PAH: variants seen among roughly 807,000 people sequenced by gnomAD.
The protein encoded by PAH is phenylalanine hydroxylase, also known as phenylalanine-4-hydroxylase.
A neutral mutation model predicts 62.0 loss-of-function variants in PAH; 64 were observed. The observed-to-expected ratio is 1.03, with a 90% CI of 0.84 to 1.27. PAH has a LOEUF of 1.27. Ranked by LOEUF, PAH falls within the 50% of genes most tolerant of loss-of-function variation. The probability of loss-of-function intolerance (pLI) is 0.00; values close to 1 mark genes in which losing one functional copy is unlikely to be tolerated. For synonymous variants in PAH, 195 were observed against 196.2 expected, an observed-to-expected ratio of 0.99 and a Z score of 0.05; for missense variants, 579 against 542.8, an observed-to-expected ratio of 1.07 and a Z score of -0.66.
In PAH at chr12:102,851,710, G is replaced by C; in HGVS notation, c.889C>G (p.Arg297Gly). Residue 297 changes from arginine to glycine, a missense_variant, in exon 8 of 13, where the codon CGC becomes GGC. Transcript: ENST00000553106. ...LLGHVPLFSD[R>G]SFAQFSQEIG... ...ACCTGGGAAAACTGGGCAAAGCTGC[G>C]ATCTGAAAACAAGGGCACATGTCCC... 1 of 1,613,954 alleles carries C rather than the reference G, an allele frequency of 6.2e-7. No homozygotes were observed. Among genetic ancestry groups the C allele is most frequent in the Non-Finnish European group, 8.5e-7 (1 of 1,179,920 alleles).
At chr12:102,890,277 TAA>T (rs748468789) in intron 3 of PAH, among the ~76,000 whole-genome samples, 1 of 152,176 alleles carries the variant, frequency 6.6e-6, no homozygotes, top group Non-Finnish European at 1.5e-5. Context: ...AGCCCCACAA[TAA>T]AAAGGGCATT....
chr12:102,870,179 A>G (rs969198566), intron 4 of PAH, among the ~76,000 whole-genome samples: 3 of 152,152 alleles, frequency 2.0e-5, no homozygotes, highest in African/African-American at 7.2e-5. Context: ...GTAACTACAT[A>G]TATGGAAAAG....
chr12:102,846,954 G>A lies in PAH; in HGVS notation c.913-3C>T. On this transcript the variant is annotated splice_polypyrimidine_tract_variant and splice_region_variant and intron_variant, in intron 8 of 12. Transcript: ENST00000553106. ...CCCAGAGAGGCAAGGCCAATTTCCT[G>A]TAATTGGGGGAAAATAGAACCTGTT... 5 of 1,612,766 alleles carry A rather than the reference G, an allele frequency of 3.1e-6. No homozygotes were observed. The highest frequency in any genetic ancestry group is 3.4e-6 in the Non-Finnish European group (4 of 1,178,836).
At chr12:102,859,039 G>GT (rs769995208) in intron 5 of PAH, among the ~76,000 whole-genome samples, 4 of 152,014 alleles carry the variant, frequency 2.6e-5, no homozygotes, top group East Asian at 3.8e-4. Flanking sequence ...CCAGGAGCTG[G>GT]TTTTTTTGAA....
rs1245308538 is a variant in PAH, at chr12:102,851,725, G to A, written c.874C>T (p.Pro292Ser). 6.2e-7 allele frequency: 1 copy of A among 1,613,934 alleles called. No homozygotes were observed. The highest frequency in any genetic ancestry group is 2.2e-5 in the East Asian group (1 of 44,882). ...GCAAAGCTGCGATCTGAAAACAAGG[G>A]CACATGTCCCAACAGCTCATGGCAG... The part of the protein sequence containing the change: ...DICHELLGHV[P>S]LFSDRSFAQF... Residue 292 changes from proline (P) to serine (S), a missense_variant, in exon 8 of 13, where the codon CCC becomes TCC. By Grantham distance (74) the Pro-to-Ser change is moderately conservative. Transcript: ENST00000553106.
chr12:102,877,336 G>A, intron 4 of PAH, 126 bp downstream of exon 4: 1 of 802,102 alleles, frequency 1.2e-6, no homozygotes, highest in South Asian at 1.4e-5. Context: ...CGTGTAAATA[G>A]GAACACAATA....
chr12:102,930,177 C>A (rs17842949), intron 1 of PAH, among the ~76,000 whole-genome samples: 1 of 151,970 alleles, frequency 6.6e-6, no homozygotes, highest in Admixed American at 6.6e-5. Flanking sequence ...CTATCTGAGT[C>A]CAAGTTCAAT....
chr12:102,901,588 C>T (rs577966417), intron 2 of PAH, among the ~76,000 whole-genome samples: 33 of 151,770 alleles, frequency 2.2e-4, no homozygotes, highest in African/African-American at 7.5e-4. Flanking sequence ...TTTTTCTCAG[C>T]TCTTTTTTTT....
chr12:102,907,684 T>C (rs1878031078), intron 2 of PAH, among the ~76,000 whole-genome samples: 2 of 151,738 alleles, frequency 1.3e-5, no homozygotes. Context: ...AGTGGGGTGA[T>C]CTTAGCTAAC....
chr12:102,887,445 T>C (rs1877088286), intron 3 of PAH, among the ~76,000 whole-genome samples: 1 of 152,042 alleles, frequency 6.6e-6, no homozygotes, highest in Admixed American at 6.5e-5. Flanking sequence ...TAAGCCTGGC[T>C]TCAATGAGGT....
At position 102,943,278 on chromosome 12, in the gene PAH, C is replaced by T. The variant is rs547030535; in HGVS notation, c.-96+7311G>A. 4.6e-5 allele frequency among the ~76,000 whole-genome samples: 7 copies of T among 152,224 alleles called. No individual in the cohort carries two copies. The East Asian group carries it at 1.2e-3, about 25-fold the overall frequency. On this transcript the variant is annotated intron_variant, in intron 1 of 3. Coordinates refer to the PAH transcript ENST00000546844. ...GCAAAGGACATGAACAGACACTTCT[C>T]AAGAGAAGACATACACACACCCAAC...
intron 1 of PAH, among the ~76,000 whole-genome samples, chr12:102,915,420 G>T (rs78548265): frequency 0.038 from 5,809 of 152,278 alleles, 190 homozygotes; most frequent in African/African-American, 0.085. Context: ...GTGGAGGCTG[G>T]TCAAGAACTC....
chr12:102,955,067 C>T (rs1414208893), upstream of PAH, among the ~76,000 whole-genome samples: 1 of 152,156 alleles, frequency 6.6e-6, no homozygotes, highest in Non-Finnish European at 1.5e-5. Flanking sequence ...GCGGTTTTGG[C>T]CAGAAGGATC....
intron 4 of PAH, among the ~76,000 whole-genome samples, chr12:102,869,443 GA>G (rs1387174238): frequency 1.3e-5 from 2 of 152,150 alleles, no homozygotes; most frequent in East Asian, 3.8e-4. Flanking sequence ...TTGTATTCTT[GA>G]AAACTATTTA....
intron 3 of PAH, among the ~76,000 whole-genome samples, chr12:102,888,993 C>A (rs1244261006): frequency 6.6e-6 from 1 of 151,754 alleles, no homozygotes; most frequent in East Asian, 1.9e-4. Flanking sequence ...GACAGAAAAG[C>A]CAAGCAGAGG....
intron 2 of PAH, among the ~76,000 whole-genome samples, chr12:102,907,512 G>A (rs1878023150): frequency 2.0e-5 from 3 of 152,292 alleles, no homozygotes; most frequent in Middle Eastern, 6.8e-3. Flanking sequence ...ATTAAATGAA[G>A]AGTCATATGT....
chr12:102,838,925 A>G lies in PAH; in HGVS notation c.*250T>C, dbSNP rs1383883464. On this transcript the variant is annotated 3_prime_UTR_variant, in exon 13 of 13. Transcript: ENST00000553106. ...TGCGACAGATTACTGATTTAACTCA[A>G]TTGAGAGTATGGGATTATCATCTCT... 8 of 544,658 alleles carry G rather than the reference A, an allele frequency of 1.5e-5. No individual in the cohort carries two copies. The highest frequency in any genetic ancestry group is 5.7e-5 in the African/African-American group (3 of 52,808). 33.7% of individuals were successfully genotyped at this position (544,658 alleles called of 1,614,324 possible). A position where few individuals can be genotyped will look rare whatever the true frequency, so the allele number is the denominator to read the frequency against.
chr12:102,925,567 C>T (rs572958637), intron 1 of PAH, among the ~76,000 whole-genome samples: 2 of 152,268 alleles, frequency 1.3e-5, no homozygotes, highest in Non-Finnish European at 1.5e-5. Flanking sequence ...GTTCTTTCTT[C>T]ATCAGACTTC....
chr12:102,868,073 CATATATGTGTGTGTGTATATATAT>C (rs1565854773), intron 4 of PAH, among the ~76,000 whole-genome samples: 1 of 103,348 alleles, frequency 9.7e-6, no homozygotes, highest in Non-Finnish European at 1.9e-5. Flanking sequence ...CATATATATA[CATATATGTGTGTGTGTATATATAT>C]ATATATACAC....
Sources: gnomAD v4.1 joint callset for allele counts (sites outside exome capture counted in the v4.1 genomes callset) on GRCh38, gnomAD v4.1.1 for gene constraint, MANE v1.5 for transcripts, NCBI Gene and HGNC (gene_info 2026-07-23, HGNC 2026-07-21) for gene names.